Variants in CACHD1 observed in about 807,000 individuals in gnomAD.
CACHD1 encodes VWFA and cache domain-containing protein 1.
In CACHD1, 71 loss-of-function variants were observed where a neutral mutation model predicts 138.7. The observed-to-expected ratio is 0.51, with a 90% CI of 0.42 to 0.62. CACHD1 has a LOEUF of 0.62. CACHD1 is among the 20% of genes least tolerant of loss of function. The probability of loss-of-function intolerance (pLI) is 0.00; values close to 1 mark genes in which losing one functional copy is unlikely to be tolerated. For missense variants in CACHD1, 1,389 were observed against 1,625.3 expected (o/e 0.85, Z 2.50); for synonymous variants, 578 against 591.5 (o/e 0.98, Z 0.33).
chr1:64,599,462 G>C (rs1372657514), intron 3 of CACHD1, among the ~76,000 whole-genome samples: 1 of 152,114 alleles, frequency 6.6e-6, no homozygotes, highest in Admixed American at 6.6e-5. Context: ...TTGAAGAAAG[G>C]GTGGAGTGGA....
chr1:64,516,271 A>C (rs927701064), intron 1 of CACHD1, among the ~76,000 whole-genome samples: 1 of 152,132 alleles, frequency 6.6e-6, no homozygotes, highest in African/African-American at 2.4e-5. Context: ...TTCTCATTTT[A>C]GCCAAAGCAA....
At chr1:64,538,555 A>G (rs978132902) in intron 1 of CACHD1, among the ~76,000 whole-genome samples, 1 of 152,170 alleles carries the variant, frequency 6.6e-6, no homozygotes. Flanking sequence ...CCTGTTTTTT[A>G]TGTGAGGGAA....
chr1:64,539,755 T>C (rs1448453273), intron 1 of CACHD1, among the ~76,000 whole-genome samples: 1 of 152,200 alleles, frequency 6.6e-6, no homozygotes, highest in East Asian at 1.9e-4. Flanking sequence ...TCTTTATGAA[T>C]GTATACTAAG....
chr1:64,541,125 A>C (rs1230956117), intron 1 of CACHD1, among the ~76,000 whole-genome samples: 1 of 152,224 alleles, frequency 6.6e-6, no homozygotes, highest in African/African-American at 2.4e-5. Flanking sequence ...GGGAGAAAGG[A>C]TATCTTCCTG....
At chr1:64,504,216 A>G (rs899726127) in intron 1 of CACHD1, among the ~76,000 whole-genome samples, 20 of 152,086 alleles carry the variant, frequency 1.3e-4, no homozygotes, top group African/African-American at 4.1e-4. Context: ...TTTTGCAGAC[A>G]TGGGGTTTTG....
At chr1:64,515,458 A>AAT (rs1646451944) in intron 1 of CACHD1, among the ~76,000 whole-genome samples, 1 of 152,386 alleles carries the variant, frequency 6.6e-6, no homozygotes, top group South Asian at 2.1e-4. Context: ...TCTTTAGAAT[A>AAT]TAAGCATATG....
intron 1 of CACHD1, among the ~76,000 whole-genome samples, chr1:64,524,708 G>A (rs1646523397): frequency 6.6e-6 from 1 of 152,174 alleles, no homozygotes; most frequent in African/African-American, 2.4e-5. Flanking sequence ...TAATTGAGTG[G>A]CAGAATTAGA....
At chr1:64,516,560 G>A (rs1179075222) in intron 1 of CACHD1, among the ~76,000 whole-genome samples, 2 of 152,134 alleles carry the variant, frequency 1.3e-5, no homozygotes, top group African/African-American at 4.8e-5. Context: ...ACCAAATGAT[G>A]AGCCAGACTC....
rs565392934 is a variant in CACHD1 at position 64,519,234 on chromosome 1, C to T, written c.199-31360C>T. 2.0e-5 allele frequency among the ~76,000 whole-genome samples: 3 copies of T among 152,272 alleles called. No individual in the cohort carries two copies. The South Asian group carries it at 6.2e-4, about 32-fold the overall frequency. On this transcript the variant is annotated intron_variant, in intron 1 of 26. Coordinates refer to ENST00000651257, the MANE Select transcript of CACHD1 (RefSeq NM_020925.4). The stretch of plus-strand genomic sequence containing the variant: ...TAGCTTCTTGGGCCTGACTGATAAA[C>T]TTTTTGCCTCCAGCAATGGAAATGT...
At chr1:64,527,010 A>G (rs1011372171) in intron 1 of CACHD1, among the ~76,000 whole-genome samples, 1 of 152,256 alleles carries the variant, frequency 6.6e-6, no homozygotes, top group Non-Finnish European at 1.5e-5. Flanking sequence ...TGTAGCGAGC[A>G]GTTCGGAGTC....
At chr1:64,628,126 G>A (rs1341595035) in intron 4 of CACHD1, among the ~76,000 whole-genome samples, 1 of 152,152 alleles carries the variant, frequency 6.6e-6, no homozygotes, top group Non-Finnish European at 1.5e-5. Context: ...CTACAGTAGA[G>A]GTGAAGATCC....
At chr1:64,646,324 G>A (rs1222539205) in intron 8 of CACHD1, among the ~76,000 whole-genome samples, 3 of 152,184 alleles carry the variant, frequency 2.0e-5, no homozygotes, top group Non-Finnish European at 2.9e-5. Context: ...GCCGTGCAAA[G>A]GGAACAGTAA....
At chr1:64,596,577 A>G (rs1323434622) in intron 3 of CACHD1, among the ~76,000 whole-genome samples, 1 of 152,182 alleles carries the variant, frequency 6.6e-6, no homozygotes, top group African/African-American at 2.4e-5. Flanking sequence ...TGTTCTAAAA[A>G]CAAAGCTTGG....
At chr1:64,608,222 A>G (rs151276068) in intron 4 of CACHD1, among the ~76,000 whole-genome samples, 210 of 152,294 alleles carry the variant, frequency 1.4e-3, no homozygotes, top group African/African-American at 5.0e-3. Flanking sequence ...AAGTTTTGCA[A>G]CATTCTACTA....
intron 1 of CACHD1, among the ~76,000 whole-genome samples, chr1:64,511,991 A>T (rs931942540): frequency 6.6e-6 from 1 of 152,196 alleles, no homozygotes; most frequent in Non-Finnish European, 1.5e-5. Context: ...ATAAGGTTTT[A>T]TATATAAAGT....
intron 16 of CACHD1, among the ~76,000 whole-genome samples, chr1:64,666,971 A>T (rs554327651): frequency 3.8e-4 from 57 of 151,156 alleles, no homozygotes; most frequent in African/African-American, 1.3e-3. Flanking sequence ...TTTCTTCTTT[A>T]AAAAAAAATT....
At chr1:64,508,359 A>G (rs1003178692) in intron 1 of CACHD1, among the ~76,000 whole-genome samples, 1 of 152,240 alleles carries the variant, frequency 6.6e-6, no homozygotes, top group Non-Finnish European at 1.5e-5. Flanking sequence ...GTATTCTTGT[A>G]TTAAGTGTAA....
At chr1:64,553,394 C>T (rs939220979) in intron 2 of CACHD1, among the ~76,000 whole-genome samples, 2 of 152,148 alleles carry the variant, frequency 1.3e-5, no homozygotes, top group African/African-American at 4.8e-5. Context: ...GACATGTTTA[C>T]CTCGTATGTT....
At chr1:64,593,247 G>T (rs1184339153) in intron 3 of CACHD1, among the ~76,000 whole-genome samples, 3 of 152,160 alleles carry the variant, frequency 2.0e-5, no homozygotes, top group African/African-American at 7.2e-5. Context: ...GGTGAAATTT[G>T]AGATGTCTAC....
Sources: allele counts gnomAD v4.1 joint callset (sites outside exome capture counted in the v4.1 genomes callset), GRCh38; gene constraint gnomAD v4.1.1; transcripts MANE v1.5; gene names NCBI Gene and HGNC (gene_info 2026-07-23, HGNC 2026-07-21).